Variants in CD109 observed in about 807,000 individuals in gnomAD.
CD109 encodes the protein CD109 molecule, also known as CD109 antigen.
In CD109, 149 loss-of-function variants were observed where a neutral mutation model predicts 165.8. That is an observed-to-expected ratio of 0.90 (90% confidence interval 0.79 to 1.03). The LOEUF is 1.03. CD109 is among the 50% of genes least tolerant of loss of function. CD109 has a pLI of 0.00. For missense variants in CD109, 1,712 were observed against 1,677.8 expected (o/e 1.02, Z -0.36); for synonymous variants, 585 against 592.1 (o/e 0.99, Z 0.18).
chr6:73,688,323 G>C, the CD109 span, among the ~76,000 whole-genome samples: 2 of 152,144 alleles, frequency 1.3e-5, no homozygotes, highest in African/African-American at 4.8e-5. Context: ...CTGAGCAATA[G>C]GAGTGCTAGG....
At chr6:73,701,720 A>AT (rs1168662630) in intron 2 of CD109, among the ~76,000 whole-genome samples, 1 of 152,130 alleles carries the variant, frequency 6.6e-6, no homozygotes, top group Non-Finnish European at 1.5e-5. Flanking sequence ...TCAAGTAATA[A>AT]AGAATATAAC....
the CD109 span, among the ~76,000 whole-genome samples, chr6:73,686,777 C>T: frequency 4.6e-5 from 7 of 152,084 alleles, no homozygotes; most frequent in African/African-American, 9.7e-5. Flanking sequence ...CTGCAAACTC[C>T]GCCTCCCGGG....
the CD109 span, among the ~76,000 whole-genome samples, chr6:73,682,614 C>T: frequency 6.6e-6 from 1 of 152,232 alleles, no homozygotes; most frequent in African/African-American, 2.4e-5. Flanking sequence ...TCTCACAGCT[C>T]CACTAGGCAG....
chr6:73,759,157 CTATT>C, intron 7 of CD109, 129 bp downstream of exon 7: 5 of 630,310 alleles, frequency 7.9e-6, no homozygotes, highest in South Asian at 7.8e-5. Flanking sequence ...CAGTAAATGA[CTATT>C]TATAATAAAT....
At chr6:73,756,526 AT>A in intron 5 of CD109, 116 bp from the exon 6 acceptor site, 1 of 679,428 alleles carries the variant, frequency 1.5e-6, no homozygotes, top group South Asian at 2.0e-5. Context: ...TCATTGCATC[AT>A]TATAAATGTA....
chr6:73,698,539 C>T (rs1034798492), intron 2 of CD109, among the ~76,000 whole-genome samples: 2 of 151,908 alleles, frequency 1.3e-5, no homozygotes, highest in African/African-American at 4.8e-5. Context: ...ATTTAAGGCA[C>T]GTAATGAAGG....
In CD109 at chr6:73,800,701, T is replaced by C. The variant is rs547508702; in HGVS notation, c.2879-2519T>C. ...GTTGAATGTGTTTTCTATATTAAGA[T>C]TTGTTTTTATATTTTTGTCTTTTGT... On this transcript the variant is annotated intron_variant, in intron 23 of 32. Transcript: ENST00000287097. 1.2e-4 allele frequency among the ~76,000 whole-genome samples: 18 copies of C among 152,332 alleles called. 1 individual carries two copies. In the South Asian group the frequency reaches 3.7e-3, roughly 32 times the overall value.
chr6:73,791,166 T>TACACATACACAC (rs1562070963), intron 22 of CD109, among the ~76,000 whole-genome samples: 4 of 40,972 alleles, frequency 9.8e-5, no homozygotes, highest in East Asian at 9.9e-4. Flanking sequence ...TATATATATA[T>TACACATACACAC]ATATATATAT....
At chr6:73,773,638 C>A (rs182352314) in intron 15 of CD109, among the ~76,000 whole-genome samples, 61 of 152,112 alleles carry the variant, frequency 4.0e-4, no homozygotes, top group African/African-American at 1.4e-3. Flanking sequence ...TAAAGGTTAT[C>A]AGTATTTGAA....
intron 23 of CD109, among the ~76,000 whole-genome samples, chr6:73,794,396 C>T (rs1037022702): frequency 7.2e-5 from 11 of 152,224 alleles, no homozygotes; most frequent in Admixed American, 1.3e-4. Context: ...GTATCACCAC[C>T]GTGTAAGAAG....
At chr6:73,721,427 C>T (rs1381036438) in intron 2 of CD109, among the ~76,000 whole-genome samples, 12 of 148,756 alleles carry the variant, frequency 8.1e-5, no homozygotes, top group East Asian at 2.0e-4. Context: ...TGCAGTGGCA[C>T]GATCTTGGCT....
At chr6:73,727,556 T>G (rs984429075) in intron 3 of CD109, among the ~76,000 whole-genome samples, 2 of 152,178 alleles carry the variant, frequency 1.3e-5, no homozygotes, top group African/African-American at 4.8e-5. Flanking sequence ...TGAAGGAGGA[T>G]AGAGTAGGAG....
At chr6:73,711,845 T>A (rs1562024111) in intron 2 of CD109, among the ~76,000 whole-genome samples, 1 of 152,020 alleles carries the variant, frequency 6.6e-6, no homozygotes. Context: ...CCTAAGTTTT[T>A]AAAATATTTT....
intron 2 of CD109, chr6:73,723,015 T>A: frequency 2.7e-6 from 1 of 368,024 alleles, no homozygotes; most frequent in Non-Finnish European, 3.8e-6. Flanking sequence ...CAGAACCTAA[T>A]GTTTTTTGGG....
chr6:73,685,609 A>G, the CD109 span, among the ~76,000 whole-genome samples: 4 of 152,270 alleles, frequency 2.6e-5, no homozygotes, highest in Admixed American at 1.3e-4. Flanking sequence ...GGTCACATGA[A>G]TAAGTTCTTT....
intron 29 of CD109, among the ~76,000 whole-genome samples, chr6:73,814,235 C>T (rs746841477): frequency 2.4e-4 from 37 of 151,930 alleles, no homozygotes; most frequent in South Asian, 2.1e-4. Context: ...CACAACCTTA[C>T]AAAGCAACAG....
At chr6:73,704,481 G>C (rs1276971148) in intron 2 of CD109, among the ~76,000 whole-genome samples, 1 of 152,160 alleles carries the variant, frequency 6.6e-6, no homozygotes, top group Non-Finnish European at 1.5e-5. Context: ...ATCAACGATT[G>C]GGTGAAGTTA....
At chr6:73,772,308 A>G (rs1422760685) in intron 15 of CD109, among the ~76,000 whole-genome samples, 3 of 152,072 alleles carry the variant, frequency 2.0e-5, no homozygotes, top group African/African-American at 7.2e-5. Flanking sequence ...GATCGAGACC[A>G]TCTTGGCTAA....
chr6:73,787,127 C>A, intron 20 of CD109, 107 bp from the exon 21 acceptor site: 1 of 671,186 alleles, frequency 1.5e-6, no homozygotes, highest in Non-Finnish European at 2.5e-6. Context: ...CATCTTTTCG[C>A]TAGTCTTGAG....
Sources: allele counts gnomAD v4.1 joint callset (sites outside exome capture counted in the v4.1 genomes callset), GRCh38; gene constraint gnomAD v4.1.1; transcripts MANE v1.5; gene names NCBI Gene and HGNC (gene_info 2026-07-23, HGNC 2026-07-21).